Variants in PAFAH1B1 observed in about 807,000 individuals in gnomAD.
PAFAH1B1 encodes platelet-activating factor acetylhydrolase IB subunit beta.
PAFAH1B1 carries 2 observed loss-of-function variants against 57.5 expected under a neutral mutation model. The observed-to-expected ratio is 0.03, with a 90% CI of 0.01 to 0.11. The LOEUF (loss-of-function observed/expected upper bound fraction) is 0.11. PAFAH1B1 is among the 10% of genes least tolerant of loss of function. PAFAH1B1 has a pLI of 1.00. For synonymous variants in PAFAH1B1, 152 were observed against 169.6 expected, an observed-to-expected ratio of 0.90 and a Z score of 0.81; for missense variants, 257 against 512.0, an observed-to-expected ratio of 0.50 and a Z score of 4.81.
Position 2,606,176 on chromosome 17 carries a change from A to G in PAFAH1B1, c.-191+12170A>G, listed in dbSNP as rs183492456. ...TTTGTAGATTTCCCCAAGGTCACACAGTTTGTAAGGAGCCAGATTGATATA... is the reference window on the plus strand; with the variant it reads ...TTTGTAGATTTCCCCAAGGTCACACGGTTTGTAAGGAGCCAGATTGATATA... On this transcript the variant is annotated intron_variant, in intron 1 of 10. Coordinates refer to ENST00000397195, the MANE Select transcript of PAFAH1B1 (RefSeq NM_000430.4). Among the ~76,000 whole-genome samples the G allele has an allele frequency of 3.3e-5, 5 of 152,228 alleles. No homozygotes were observed. The East Asian group carries it at 9.6e-4, about 29-fold the overall frequency.
rs1306889751 is a variant in PAFAH1B1 at position 2,666,024 on chromosome 17, A to G, written c.126A>G (p.Glu42=). 30 of 1,507,824 alleles carry G rather than the reference A, an allele frequency of 2.0e-5. No homozygotes were observed. The highest frequency in any genetic ancestry group is 2.5e-5 in the Non-Finnish European group (28 of 1,103,650). 93.4% of individuals were successfully genotyped at this position (1,507,824 alleles called of 1,614,324 possible). A position where few individuals can be genotyped will look rare whatever the true frequency, so the allele number is the denominator to read the frequency against. The change falls in exon 4 of 11, where the codon GAA becomes GAG. Residue 42 remains glutamate, a synonymous_variant. Transcript: ENST00000397195. Reference sequence around the variant, plus strand: ...AAATTTATTTTCTCTAGAATGAAGAATTAGATAAAAAGTATGCTGGTCTTT... The same window carrying G: ...AAATTTATTTTCTCTAGAATGAAGAGTTAGATAAAAAGTATGCTGGTCTTT... The part of the protein sequence containing the change: ...KKEAELDVNE[E]LDKKYAGLLE...
chr17:2,638,726 T>A, intron 2 of PAFAH1B1: 1 of 205,802 alleles, frequency 4.9e-6, no homozygotes, highest in Non-Finnish European at 1.0e-5. Context: ...CAGGCTGGTC[T>A]CGAACTCCTG....
At chr17:2,669,799 TTC>T (rs952065822) in intron 5 of PAFAH1B1, among the ~76,000 whole-genome samples, 3 of 152,138 alleles carry the variant, frequency 2.0e-5, no homozygotes, top group Non-Finnish European at 2.9e-5. Context: ...TTCCATCTCT[TTC>T]TCTTTCTTTC....
intron 2 of PAFAH1B1, chr17:2,640,518 C>T (rs1027826523): frequency 7.4e-6 from 1 of 135,796 alleles, no homozygotes; most frequent in East Asian, 2.3e-4. Context: ...ATGGTGTGAT[C>T]TCGGCTCACT....
At chr17:2,597,401 G>GTTTT (rs2068094998) in intron 1 of PAFAH1B1, among the ~76,000 whole-genome samples, 1 of 90,168 alleles carries the variant, frequency 1.1e-5, no homozygotes, top group Non-Finnish European at 2.5e-5. Flanking sequence ...GAACATCCGT[G>GTTTT]TCTTTTTTTT....
intron 1 of PAFAH1B1, among the ~76,000 whole-genome samples, chr17:2,628,849 C>T (rs2151628157): frequency 6.6e-6 from 1 of 152,244 alleles, no homozygotes; most frequent in Admixed American, 6.5e-5. Flanking sequence ...TTATCCATCT[C>T]TTTTAGGTTT....
At chr17:2,602,257 A>AC (rs1296131480) in intron 1 of PAFAH1B1, among the ~76,000 whole-genome samples, 1 of 152,030 alleles carries the variant, frequency 6.6e-6, no homozygotes, top group Non-Finnish European at 1.5e-5. Flanking sequence ...TACTGAAAAA[A>AC]AAAACAAAAC....
intron 1 of PAFAH1B1, among the ~76,000 whole-genome samples, chr17:2,605,761 C>T (rs1191693629): frequency 1.3e-5 from 2 of 151,998 alleles, no homozygotes; most frequent in African/African-American, 4.8e-5. Context: ...CTTCTTCTAG[C>T]GTATATAAAA....
chr17:2,614,340 T>C (rs1182690465), intron 1 of PAFAH1B1, among the ~76,000 whole-genome samples: 3 of 152,176 alleles, frequency 2.0e-5, no homozygotes, highest in African/African-American at 7.2e-5. Flanking sequence ...TATTGTTTAT[T>C]GTTGCTTTCT....
At chr17:2,662,378 T>TTGTGTGTGTGTG (rs57918293) in intron 2 of PAFAH1B1, among the ~76,000 whole-genome samples, 144 of 123,772 alleles carry the variant, frequency 1.2e-3, no homozygotes, top group East Asian at 2.7e-3. Flanking sequence ...TTTAACCTCT[T>TTGTGTGTGTGTG]TGTGTGTGTG....
At chr17:2,599,841 A>T (rs1041229221) in intron 1 of PAFAH1B1, among the ~76,000 whole-genome samples, 8 of 152,126 alleles carry the variant, frequency 5.3e-5, no homozygotes, top group Admixed American at 2.6e-4. Context: ...CCATTAAAAA[A>T]TTTTCTGAGA....
At chr17:2,625,229 T>C (rs899827555) in intron 1 of PAFAH1B1, among the ~76,000 whole-genome samples, 2 of 152,176 alleles carry the variant, frequency 1.3e-5, no homozygotes, top group African/African-American at 4.8e-5. Flanking sequence ...TTGATATCAG[T>C]CTAAGAAAGT....
chr17:2,637,928 A>C (rs966005386), intron 1 of PAFAH1B1, among the ~76,000 whole-genome samples, 171 bp from the exon 2 acceptor site: 1 of 152,212 alleles, frequency 6.6e-6, no homozygotes, highest in African/African-American at 2.4e-5. Flanking sequence ...TAAAAGACAA[A>C]ACAGTATGGT....
At chr17:2,616,329 C>T (rs1364764269) in intron 1 of PAFAH1B1, among the ~76,000 whole-genome samples, 1 of 152,014 alleles carries the variant, frequency 6.6e-6, no homozygotes, top group African/African-American at 2.4e-5. Flanking sequence ...AGAAGCAAGG[C>T]CAATAGGGTG....
intron 5 of PAFAH1B1, among the ~76,000 whole-genome samples, 157 bp from the exon 6 acceptor site, chr17:2,670,006 A>G (rs1393944299): frequency 1.3e-5 from 2 of 152,212 alleles, no homozygotes; most frequent in Non-Finnish European, 2.9e-5. Flanking sequence ...AAAAAGACCA[A>G]TTTATACATG....
chr17:2,621,007 T>C, intron 1 of PAFAH1B1, among the ~76,000 whole-genome samples: 1 of 152,284 alleles, frequency 6.6e-6, no homozygotes, highest in Non-Finnish European at 1.5e-5. Context: ...TAAAGATAAT[T>C]GAATAAAATG....
At position 2,681,715 on chromosome 17, in the gene PAFAH1B1, TC is replaced by T. The variant is rs779247021; in HGVS notation, c.1160-13del. 1 of 1,607,338 alleles carries T rather than the reference TC, an allele frequency of 6.2e-7. No individual in the cohort carries two copies. The highest frequency in any genetic ancestry group is 8.5e-7 in the Non-Finnish European group (1 of 1,174,138). On this transcript the variant is annotated splice_polypyrimidine_tract_variant and intron_variant, in intron 10 of 10. Transcript: ENST00000397195. The stretch of plus-strand genomic sequence containing the variant: ...ACGTGTGAGTTTTAAATAAACCATT[TC>T]TTTTTCTTTCAGATTTCCACAAGAC...
chr17:2,611,462 C>T (rs1387902555), intron 1 of PAFAH1B1, among the ~76,000 whole-genome samples: 2 of 149,554 alleles, frequency 1.3e-5, no homozygotes, highest in African/African-American at 5.0e-5. Context: ...AGCAAGACTC[C>T]GTCTCGGGGC....
At chr17:2,672,216 C>G (rs1352217272) in intron 6 of PAFAH1B1, among the ~76,000 whole-genome samples, 1 of 122,142 alleles carries the variant, frequency 8.2e-6, no homozygotes, top group Non-Finnish European at 1.6e-5. Context: ...CCCAGGAGTT[C>G]AAGGCTACAG....
Sources: allele counts gnomAD v4.1 joint callset (sites outside exome capture counted in the v4.1 genomes callset), GRCh38; gene constraint gnomAD v4.1.1; transcripts MANE v1.5; gene names NCBI Gene and HGNC (gene_info 2026-07-23, HGNC 2026-07-21).